Variants in PPARGC1A observed in about 807,000 individuals in gnomAD.
PPARGC1A encodes the protein peroxisome proliferator-activated receptor gamma coactivator 1-alpha.
Under a neutral mutation model 88.7 loss-of-function variants are expected in PPARGC1A, and 25 were observed. That is an observed-to-expected ratio of 0.28 (90% CI 0.21 to 0.39). The LOEUF (loss-of-function observed/expected upper bound fraction) is 0.39. Among genes scored for constraint, PPARGC1A ranks in the 10% least tolerant of loss-of-function variants. PPARGC1A has a pLI of 1.00. For synonymous variants in PPARGC1A, 363 were observed against 355.6 expected (o/e 1.02, Z -0.24); for missense variants, 880 against 968.7 (o/e 0.91, Z 1.22).
the PPARGC1A span, among the ~76,000 whole-genome samples, chr4:23,918,732 C>A: frequency 6.6e-6 from 1 of 152,130 alleles, no homozygotes; most frequent in East Asian, 1.9e-4. Flanking sequence ...TCTATTCTAA[C>A]TATTTCATGC....
At chr4:23,996,610 A>G in the PPARGC1A span, among the ~76,000 whole-genome samples, 4 of 152,028 alleles carry the variant, frequency 2.6e-5, no homozygotes, top group African/African-American at 7.2e-5. Flanking sequence ...TCTCTTGAAA[A>G]CACTTCCTAA....
At chr4:23,905,764 A>G (rs528370765), upstream of PPARGC1A, among the ~76,000 whole-genome samples, 4 of 152,318 alleles carry the variant, frequency 2.6e-5, no homozygotes, top group South Asian at 8.3e-4. Context: ...TAACTTTTCT[A>G]AAGACAAAAG....
At chr4:23,981,896 G>C in the PPARGC1A span, among the ~76,000 whole-genome samples, 19 of 152,100 alleles carry the variant, frequency 1.2e-4, no homozygotes, top group South Asian at 1.9e-3. Flanking sequence ...GAAAGCTCAG[G>C]AATTACATAA....
chr4:24,324,641 C>T, the PPARGC1A span, among the ~76,000 whole-genome samples: 7 of 152,266 alleles, frequency 4.6e-5, no homozygotes, highest in South Asian at 8.3e-4. Context: ...TTCCAAATAG[C>T]CGGAAAATGG....
At chr4:23,947,419 A>T in the PPARGC1A span, among the ~76,000 whole-genome samples, 1 of 141,980 alleles carries the variant, frequency 7.0e-6, no homozygotes, top group African/African-American at 2.7e-5. Context: ...GATGGAGAAA[A>T]TGGAGACTTA....
intron 5 of PPARGC1A, among the ~76,000 whole-genome samples, 180 bp from the exon 6 acceptor site, chr4:23,824,688 C>T (rs1275384997): frequency 6.6e-6 from 1 of 152,010 alleles, no homozygotes; most frequent in Admixed American, 6.6e-5. Context: ...TTCCAAACAG[C>T]GTTTGCATCA....
At chr4:24,229,723 T>C in the PPARGC1A span, among the ~76,000 whole-genome samples, 1 of 151,360 alleles carries the variant, frequency 6.6e-6, no homozygotes, top group Non-Finnish European at 1.5e-5. Context: ...CACATGCCTG[T>C]AATCCGAACT....
chr4:24,066,441 C>A, the PPARGC1A span, among the ~76,000 whole-genome samples: 977 of 152,266 alleles, frequency 6.4e-3, 11 homozygotes, highest in African/African-American at 0.022. Context: ...TGACACAAAT[C>A]TCTATTAGCA....
the PPARGC1A span, among the ~76,000 whole-genome samples, chr4:24,115,736 C>T: frequency 6.6e-5 from 10 of 152,110 alleles, no homozygotes; most frequent in Non-Finnish European, 1.3e-4. Context: ...ATTAGAAAAT[C>T]ATTAATGGCT....
Position 23,808,046 on chromosome 4 carries a change from T to C in PPARGC1A, c.2019+4701A>G, listed in dbSNP as rs548259882. 2.0e-5 allele frequency among the ~76,000 whole-genome samples: 3 copies of C among 152,080 alleles called. No homozygotes were observed. The South Asian group carries it at 6.2e-4, about 32-fold the overall frequency. On this transcript the variant is annotated intron_variant, in intron 10 of 12. Transcript: ENST00000264867. Reference sequence around the variant, plus strand: ...GTGGGCAGATCACGAGGTCAGGAGATTGAGACCAGCCTGGCCAACACGGTG... The same window carrying C: ...GTGGGCAGATCACGAGGTCAGGAGACTGAGACCAGCCTGGCCAACACGGTG...
chr4:23,990,240 A>G, the PPARGC1A span, among the ~76,000 whole-genome samples: 1 of 150,382 alleles, frequency 6.6e-6, no homozygotes, highest in African/African-American at 2.4e-5. Flanking sequence ...AATAATAACA[A>G]TAATAAATTG....
the PPARGC1A span, among the ~76,000 whole-genome samples, chr4:24,080,145 G>A: frequency 3.6e-4 from 54 of 152,040 alleles, no homozygotes; most frequent in African/African-American, 9.4e-4. Flanking sequence ...GAGAAAAATC[G>A]AAGTGCTGAG....
intron 2 of PPARGC1A, among the ~76,000 whole-genome samples, chr4:23,844,489 A>ATATAGAATATATTTATTATATAT (rs1727691821): frequency 2.9e-5 from 1 of 35,022 alleles, no homozygotes; most frequent in Non-Finnish European, 4.6e-5. Flanking sequence ...TATTATAATA[A>ATATAGAATATATTTATTATATAT]TCATAATATA....
chr4:24,169,286 G>C, the PPARGC1A span, among the ~76,000 whole-genome samples: 2 of 152,204 alleles, frequency 1.3e-5, no homozygotes, highest in Non-Finnish European at 2.9e-5. Flanking sequence ...TCACAGACAA[G>C]AGGAGTCTCA....
At chr4:24,009,341 T>G in the PPARGC1A span, among the ~76,000 whole-genome samples, 1 of 152,202 alleles carries the variant, frequency 6.6e-6, no homozygotes, top group African/African-American at 2.4e-5. Context: ...AAGTTTCTTC[T>G]GCAGGCTTCA....
the PPARGC1A span, among the ~76,000 whole-genome samples, chr4:24,020,620 G>A: frequency 7.2e-5 from 11 of 152,198 alleles, no homozygotes; most frequent in African/African-American, 2.4e-4. Flanking sequence ...CAAAGAGATC[G>A]GGATGTGAGT....
chr4:24,375,398 C>G, the PPARGC1A span, among the ~76,000 whole-genome samples: 62 of 152,278 alleles, frequency 4.1e-4, no homozygotes, highest in African/African-American at 1.5e-3. Context: ...GGGACTTACA[C>G]GGTGCAGTGT....
intron 2 of PPARGC1A, among the ~76,000 whole-genome samples, chr4:23,839,780 A>G (rs1726715842): frequency 6.9e-6 from 1 of 145,098 alleles, no homozygotes; most frequent in Non-Finnish European, 1.5e-5. Flanking sequence ...GTCACATCTT[A>G]CGTGGATGGT....
At chr4:23,941,122 C>T in the PPARGC1A span, among the ~76,000 whole-genome samples, 1 of 152,154 alleles carries the variant, frequency 6.6e-6, no homozygotes, top group Non-Finnish European at 1.5e-5. Context: ...GCAGTCATAG[C>T]TCACTGTATC....
Sources: gnomAD v4.1 joint callset for allele counts (sites outside exome capture counted in the v4.1 genomes callset) on GRCh38, gnomAD v4.1.1 for gene constraint, MANE v1.5 for transcripts, NCBI Gene and HGNC (gene_info 2026-07-23, HGNC 2026-07-21) for gene names.